LHFPL3: variants seen among roughly 807,000 people sequenced by gnomAD.
LHFPL3 encodes LHFPL tetraspan subfamily member 3, also known as LHFPL tetraspan subfamily member 3 protein.
LHFPL3 carries 5 observed loss-of-function variants against 19.3 expected under a neutral mutation model. The ratio of observed to expected loss-of-function variants is 0.26; its 90% CI spans 0.14 to 0.54. The LOEUF is 0.54. LHFPL3 is among the 20% of genes least tolerant of loss of function. LHFPL3 has a pLI of 0.94. For synonymous variants in LHFPL3, 133 were observed against 126.2 expected (o/e 1.05, Z -0.36); for missense variants, 249 against 307.4 (o/e 0.81, Z 1.42).
intron 1 of LHFPL3, among the ~76,000 whole-genome samples, chr7:104,465,093 C>T (rs979048613): frequency 6.6e-6 from 1 of 152,088 alleles, no homozygotes; most frequent in Non-Finnish European, 1.5e-5. Context: ...AAAATGCCAC[C>T]AGTCTTTTTG....
intron 2 of LHFPL3, among the ~76,000 whole-genome samples, chr7:104,821,527 G>A (rs1347650775): frequency 6.6e-6 from 1 of 152,198 alleles, no homozygotes; most frequent in Admixed American, 6.5e-5. Flanking sequence ...CTGCTTCTCA[G>A]AGAGAGCCAA....
intron 2 of LHFPL3, among the ~76,000 whole-genome samples, chr7:104,872,868 A>G (rs1265060077): frequency 2.0e-5 from 3 of 152,244 alleles, no homozygotes; most frequent in African/African-American, 7.2e-5. Context: ...AACTATAAAC[A>G]ATAAATACCT....
chr7:104,841,491 GGGGTGTGTGTGTGTGT>G lies in LHFPL3; in HGVS notation c.683-64694_683-64679del, dbSNP rs1244665781. ...CAATATGTATTACGATGCATTATGT[GGGGTGTGTGTGTGTGT>G]GTGTGTGTGTGTGTGTGTGTGTCTT... On this transcript the variant is annotated intron_variant, in intron 2 of 2. Transcript: ENST00000424859. 4.2e-5 allele frequency among the ~76,000 whole-genome samples: 6 copies of G among 141,836 alleles called. 1 individual carries two copies. Among genetic ancestry groups the G allele is most frequent in the African/African-American group, 1.1e-4 (4 of 36,876 alleles). The allele number at this position is 141,836 out of a possible 152,430, so 93.0% of individuals were successfully genotyped here. A position where few individuals can be genotyped will look rare whatever the true frequency, so the allele number is the denominator to read the frequency against.
intron 1 of LHFPL3, among the ~76,000 whole-genome samples, chr7:104,653,410 G>T (rs1286168796): frequency 6.6e-6 from 1 of 152,238 alleles, no homozygotes; most frequent in Non-Finnish European, 1.5e-5. Context: ...GAGTGGAACA[G>T]CGAGGCAGAG....
In LHFPL3 at chr7:104,817,621, G is replaced by C. The variant is rs546335018; in HGVS notation, c.682+80710G>C. Among the ~76,000 whole-genome samples the C allele has an allele frequency of 2.6e-5, 4 of 152,134 alleles. No homozygotes were observed. In the South Asian group the frequency reaches 6.2e-4, roughly 24 times the overall value. On this transcript the variant is annotated intron_variant, in intron 2 of 2. Coordinates refer to ENST00000424859, the MANE Select transcript of LHFPL3 (RefSeq NM_199000.3). ...AAAACAACATCTATGCTTCATCATA[G>C]AGCCCTGAGGCCCTCACATCCCTGG...
chr7:104,567,129 C>G (rs868558908), intron 1 of LHFPL3, among the ~76,000 whole-genome samples: 35 of 152,204 alleles, frequency 2.3e-4, no homozygotes, highest in African/African-American at 8.0e-4. Context: ...ATGGTACTGT[C>G]TTTCACTTAA....
At chr7:104,525,188 C>G (rs948676024) in intron 1 of LHFPL3, among the ~76,000 whole-genome samples, 1 of 152,260 alleles carries the variant, frequency 6.6e-6, no homozygotes, top group East Asian at 1.9e-4. Flanking sequence ...CTCCAAAAAC[C>G]ACCAATTCAA....
intron 1 of LHFPL3, among the ~76,000 whole-genome samples, chr7:104,333,571 C>G (rs567665463): frequency 6.6e-5 from 10 of 152,148 alleles, no homozygotes; most frequent in African/African-American, 2.4e-4. Context: ...TCTGTTACCC[C>G]CTAGCCTCCT....
chr7:104,794,648 T>C (rs1446549448), intron 2 of LHFPL3, among the ~76,000 whole-genome samples: 1 of 152,246 alleles, frequency 6.6e-6, no homozygotes, highest in Non-Finnish European at 1.5e-5. Context: ...AATTTCCATC[T>C]AATCAAGCAG....
chr7:104,873,765 C>G (rs563770554), intron 2 of LHFPL3, among the ~76,000 whole-genome samples: 1 of 152,348 alleles, frequency 6.6e-6, no homozygotes, highest in Admixed American at 6.5e-5. Flanking sequence ...ATTTTGGGTA[C>G]TAACTGCAAA....
intron 2 of LHFPL3, among the ~76,000 whole-genome samples, chr7:104,796,131 A>G (rs557555073): frequency 4.6e-5 from 7 of 152,302 alleles, no homozygotes; most frequent in African/African-American, 1.4e-4. Context: ...TGAGGCCTCA[A>G]TAGTGCAGCC....
At chr7:104,468,487 T>A (rs1792837117) in intron 1 of LHFPL3, among the ~76,000 whole-genome samples, 1 of 152,038 alleles carries the variant, frequency 6.6e-6, no homozygotes, top group African/African-American at 2.4e-5. Context: ...TTGTCATGGC[T>A]TTTTGGGGGT....
At position 104,596,033 on chromosome 7, in the gene LHFPL3, C is replaced by A. The variant is rs554929385; in HGVS notation, c.446-140642C>A. On this transcript the variant is annotated intron_variant, in intron 1 of 2. Transcript: ENST00000424859. ...GTGCTTCCCGGGTGAGACAATACCCCACCCTGCTTTGGCTCACCCTCCGTG... is the reference window on the plus strand; with the variant it reads ...GTGCTTCCCGGGTGAGACAATACCCAACCCTGCTTTGGCTCACCCTCCGTG... 4.2e-3 allele frequency among the ~76,000 whole-genome samples: 643 copies of A among 152,350 alleles called. 5 individuals are homozygous for A. Among genetic ancestry groups the A allele is most frequent in the African/African-American group, 0.015 (610 of 41,572 alleles).
chr7:104,555,063 A>G (rs1279887699), intron 1 of LHFPL3, among the ~76,000 whole-genome samples: 1 of 152,192 alleles, frequency 6.6e-6, no homozygotes, highest in Non-Finnish European at 1.5e-5. Context: ...CACTGAGGGC[A>G]TATCTTGCCT....
chr7:104,608,446 C>G (rs1477120580), intron 1 of LHFPL3, among the ~76,000 whole-genome samples: 17 of 133,654 alleles, frequency 1.3e-4, no homozygotes, highest in African/African-American at 4.9e-4. Context: ...AATTGAACAA[C>G]GAGAACACAT....
Position 104,713,878 on chromosome 7 carries a change from G to C in LHFPL3, c.446-22797G>C, listed in dbSNP as rs1283913238. On this transcript the variant is annotated intron_variant, in intron 1 of 2. Transcript: ENST00000424859. ...TCCCAAGGGGAGTAACAATACCAAG[G>C]CAGAAAGCAAATCTCAGGCTCCCTG... Among the ~76,000 whole-genome samples, 6 of 152,204 alleles carry C rather than the reference G, an allele frequency of 3.9e-5. 1 individual carries two copies. Among genetic ancestry groups the C allele is most frequent in the Admixed American group, 3.3e-4 (5 of 15,290 alleles).
At chr7:104,867,756 C>G (rs1048639877) in intron 2 of LHFPL3, among the ~76,000 whole-genome samples, 21 of 152,122 alleles carry the variant, frequency 1.4e-4, no homozygotes, top group Non-Finnish European at 2.4e-4. Flanking sequence ...GATACCAAAG[C>G]CTGGCAGAGA....
intron 2 of LHFPL3, among the ~76,000 whole-genome samples, chr7:104,766,803 G>A (rs546896485): frequency 8.1e-4 from 123 of 152,170 alleles, no homozygotes; most frequent in African/African-American, 2.6e-3. Flanking sequence ...TATTTTTCTC[G>A]TAATTTCCTA....
intron 1 of LHFPL3, among the ~76,000 whole-genome samples, chr7:104,413,842 T>G (rs1791574662): frequency 6.6e-6 from 1 of 152,230 alleles, no homozygotes; most frequent in South Asian, 2.1e-4. Flanking sequence ...AAGGCGAAGC[T>G]TCTTATAGCT....
Sources: gnomAD v4.1 joint callset for allele counts (sites outside exome capture counted in the v4.1 genomes callset) on GRCh38, gnomAD v4.1.1 for gene constraint, MANE v1.5 for transcripts, NCBI Gene and HGNC (gene_info 2026-07-23, HGNC 2026-07-21) for gene names.